Variants in GLRA3 observed in about 807,000 individuals in gnomAD.
The protein encoded by GLRA3 is glycine receptor subunit alpha-3.
GLRA3 carries 44 observed loss-of-function variants against 60.4 expected under a neutral mutation model. The ratio of observed to expected loss-of-function variants is 0.73; its 90% confidence interval spans 0.57 to 0.94. The LOEUF is 0.94. Ranked by LOEUF, GLRA3 falls within the 40% of genes least tolerant of loss-of-function variation. The pLI is 0.00. For missense variants in GLRA3, 508 were observed against 564.6 expected, an observed-to-expected ratio of 0.90 and a Z score of 1.02; for synonymous variants, 223 against 192.9, an observed-to-expected ratio of 1.16 and a Z score of -1.29.
intron 3 of GLRA3, among the ~76,000 whole-genome samples, chr4:174,739,061 T>A (rs1736906623): frequency 6.6e-6 from 1 of 152,244 alleles, no homozygotes; most frequent in Admixed American, 6.5e-5. Context: ...TGGCATGTAA[T>A]GAAATGTTTG....
intron 1 of GLRA3, among the ~76,000 whole-genome samples, chr4:174,799,311 C>A (rs186768585): frequency 2.0e-5 from 3 of 152,118 alleles, no homozygotes; most frequent in Non-Finnish European, 4.4e-5. Context: ...CCAAAGCTTC[C>A]GCTTAAAGCA....
chr4:174,750,566 C>A (rs1561094674), intron 3 of GLRA3, among the ~76,000 whole-genome samples: 1 of 152,026 alleles, frequency 6.6e-6, no homozygotes, highest in Non-Finnish European at 1.5e-5. Flanking sequence ...AAAAAAAATG[C>A]ATTGTGATGG....
chr4:174,701,810 G>A (rs529075386), intron 5 of GLRA3, among the ~76,000 whole-genome samples: 1 of 152,152 alleles, frequency 6.6e-6, no homozygotes, highest in Non-Finnish European at 1.5e-5. Flanking sequence ...AACAGCAAGA[G>A]AACTAAAATT....
chr4:174,673,996 T>G (rs1394121311), intron 7 of GLRA3, among the ~76,000 whole-genome samples: 1 of 152,134 alleles, frequency 6.6e-6, no homozygotes, highest in Non-Finnish European at 1.5e-5. Context: ...TCAGAAACAT[T>G]TACTTCTTTC....
intron 9 of GLRA3, among the ~76,000 whole-genome samples, chr4:174,645,257 CA>C (rs890397249): frequency 2.2e-4 from 34 of 151,182 alleles, no homozygotes; most frequent in African/African-American, 7.8e-4. Context: ...ACTAAAAATA[CA>C]AAAATTAGCT....
At chr4:174,652,608 C>T (rs1472649263) in intron 9 of GLRA3, among the ~76,000 whole-genome samples, 1 of 151,988 alleles carries the variant, frequency 6.6e-6, no homozygotes, top group Non-Finnish European at 1.5e-5. Context: ...CATTATGCTT[C>T]TATATCATAC....
chr4:174,655,736 T>C (rs933694445), intron 9 of GLRA3, among the ~76,000 whole-genome samples: 3 of 152,134 alleles, frequency 2.0e-5, no homozygotes, highest in African/African-American at 7.2e-5. Context: ...GAAATTATCT[T>C]TCAGGGATGA....
intron 7 of GLRA3, among the ~76,000 whole-genome samples, chr4:174,672,706 G>A (rs547807835): frequency 6.6e-6 from 1 of 152,258 alleles, no homozygotes; most frequent in Middle Eastern, 3.4e-3. Flanking sequence ...GCACCTCACA[G>A]TCCTGTGAGC....
In GLRA3 at chr4:174,766,978, G is replaced by T; in HGVS notation, c.252C>A (p.Ile84=). 1 of 1,586,520 alleles carries T rather than the reference G, an allele frequency of 6.3e-7. No homozygotes were observed. The highest frequency in any genetic ancestry group is 8.6e-7 in the Non-Finnish European group (1 of 1,157,882). Residue 84 remains isoleucine (I), a synonymous_variant, in exon 3 of 10, where the codon ATC becomes ATA. Coordinates refer to ENST00000274093, the MANE Select transcript of GLRA3 (RefSeq NM_006529.4). ...CNIFINSFGS[I]AETTMDYRVN... ...AAATGCCTACCATGGTCGTCTCTGC[G>T]ATAGAGCCAAAGCTGTTGATGAATA...
Position 174,691,874 on chromosome 4 carries a change from C to T in GLRA3, c.575-8935G>A, listed in dbSNP as rs879591914. On this transcript the variant is annotated intron_variant, in intron 5 of 9. Transcript: ENST00000274093. Reference sequence around the variant, plus strand: ...GCCCATCGTCTGGGATGTGAGGAGCCCCTCTGCCTGGCTGCCCAGTCTGGA... The same window carrying T: ...GCCCATCGTCTGGGATGTGAGGAGCTCCTCTGCCTGGCTGCCCAGTCTGGA... Among the ~76,000 whole-genome samples the T allele has an allele frequency of 4.6e-3, 694 of 151,160 alleles. 2 individuals are homozygous for T. Among genetic ancestry groups the T allele is most frequent in the Admixed American group, 8.3e-3 (127 of 15,224 alleles).
At chr4:174,827,077 C>G (rs1387965798) in intron 1 of GLRA3, among the ~76,000 whole-genome samples, 1 of 151,820 alleles carries the variant, frequency 6.6e-6, no homozygotes, top group African/African-American at 2.4e-5. Context: ...ATGAAGTAAA[C>G]TTTTGTATGT....
At chr4:174,743,554 T>C (rs1213030244) in intron 3 of GLRA3, among the ~76,000 whole-genome samples, 1 of 152,188 alleles carries the variant, frequency 6.6e-6, no homozygotes, top group Non-Finnish European at 1.5e-5. Context: ...GCAGAAAGGA[T>C]ACTGTGCCCT....
chr4:174,684,726 G>T (rs1482411164), intron 5 of GLRA3, among the ~76,000 whole-genome samples: 1 of 152,218 alleles, frequency 6.6e-6, no homozygotes, highest in African/African-American at 2.4e-5. Context: ...TGTTAAAAGC[G>T]CTTGGGCGCA....
chr4:174,712,103 A>G (rs919472305), intron 5 of GLRA3, among the ~76,000 whole-genome samples: 5 of 152,004 alleles, frequency 3.3e-5, no homozygotes, highest in Non-Finnish European at 7.4e-5. Flanking sequence ...CTCTTCCCCA[A>G]TAATTTCTTT....
chr4:174,708,810 G>T (rs1403900344), intron 5 of GLRA3, among the ~76,000 whole-genome samples: 10 of 125,608 alleles, frequency 8.0e-5, no homozygotes, highest in African/African-American at 1.2e-4. Flanking sequence ...ATCCTTCCTG[G>T]CTTTTTTTTT....
chr4:174,659,345 CCTTA>C (rs552241327), intron 7 of GLRA3, 148 bp from the exon 8 acceptor site: 1 of 644,598 alleles, frequency 1.6e-6, no homozygotes, highest in Non-Finnish European at 2.5e-6. Context: ...CTTGAAGTTT[CCTTA>C]GTTATTTTTG....
At chr4:174,667,632 A>G (rs949002321) in intron 7 of GLRA3, among the ~76,000 whole-genome samples, 1 of 152,164 alleles carries the variant, frequency 6.6e-6, no homozygotes, top group Admixed American at 6.6e-5. Flanking sequence ...CCTAAGACAG[A>G]TAATCAATTC....
chr4:174,756,311 T>C (rs1737694353), intron 3 of GLRA3, among the ~76,000 whole-genome samples: 1 of 152,154 alleles, frequency 6.6e-6, no homozygotes, highest in Non-Finnish European at 1.5e-5. Flanking sequence ...AAGAAAATAA[T>C]AGTTCAACAT....
chr4:174,778,517 G>A (rs1468632102), intron 2 of GLRA3, among the ~76,000 whole-genome samples: 1 of 152,256 alleles, frequency 6.6e-6, no homozygotes, highest in Admixed American at 6.5e-5. Flanking sequence ...AGCTCCCAGC[G>A]TGACCGATGC....
Sources: gnomAD v4.1 joint callset for allele counts (sites outside exome capture counted in the v4.1 genomes callset) on GRCh38, gnomAD v4.1.1 for gene constraint, MANE v1.5 for transcripts, NCBI Gene and HGNC (gene_info 2026-07-23, HGNC 2026-07-21) for gene names.